Variants in DPRX observed in about 807,000 individuals in gnomAD.
The protein encoded by DPRX is divergent-paired related homeobox, also known as divergent paired-related homeobox.
DPRX carries 11 observed loss-of-function variants against 8.4 expected under a neutral mutation model. That is an observed-to-expected ratio of 1.31 (90% CI 0.82 to 2.17). The LOEUF (loss-of-function observed/expected upper bound fraction) is 2.17, where lower values mean the gene tolerates loss of function less well. DPRX is among the 30% of genes most tolerant of loss of function. DPRX has a pLI of 0.00. For synonymous variants in DPRX, 72 were observed against 87.0 expected, an observed-to-expected ratio of 0.83 and a Z score of 0.96; for missense variants, 211 against 236.7, an observed-to-expected ratio of 0.89 and a Z score of 0.71.
At chr19:53,636,666 C>G in exon 3 of DPRX, 1 of 1,614,020 alleles carries the variant, frequency 6.2e-7, no homozygotes, top group African/African-American at 1.3e-5. Context: ...AAACAAGAAA[C>G]TCCACAACCG....
the DPRX span, among the ~76,000 whole-genome samples, chr19:53,603,948 G>A: frequency 6.6e-6 from 1 of 151,858 alleles, no homozygotes; most frequent in Non-Finnish European, 1.5e-5. Context: ...GTTTCACCAT[G>A]TTGGCCAGGC....
intron 1 of DPRX, among the ~76,000 whole-genome samples, chr19:53,634,021 G>A: frequency 6.6e-6 from 1 of 152,304 alleles, no homozygotes; most frequent in Non-Finnish European, 1.5e-5. Context: ...TGACAAATGA[G>A]GCTTGGAAAA....
At chr19:53,607,920 C>G in the DPRX span, among the ~76,000 whole-genome samples, 1 of 150,168 alleles carries the variant, frequency 6.7e-6, no homozygotes, top group African/African-American at 2.4e-5. Context: ...CACCTGAAAT[C>G]CTAGCACTTT....
exon 2 of DPRX, chr19:53,634,600 T>A (rs904763269): frequency 1.2e-6 from 2 of 1,613,884 alleles, no homozygotes; most frequent in East Asian, 2.2e-5. Flanking sequence ...GATCTGAACA[T>A]CTTGTTCAAT....
At chr19:53,627,439 C>CTTTTTT (rs1030412694), upstream of DPRX, among the ~76,000 whole-genome samples, 2 of 66,270 alleles carry the variant, frequency 3.0e-5, no homozygotes, top group African/African-American at 4.6e-5. Flanking sequence ...TTCTTTCTTT[C>CTTTTTT]TTTTTTTTTT....
At chr19:53,618,370 A>G in the DPRX span, among the ~76,000 whole-genome samples, 8 of 152,016 alleles carry the variant, frequency 5.3e-5, no homozygotes, top group African/African-American at 1.9e-4. Flanking sequence ...AGAGTGTGTG[A>G]TGGTAGATTA....
At chr19:53,627,909 G>A (rs2091077495), upstream of DPRX, among the ~76,000 whole-genome samples, 1 of 151,878 alleles carries the variant, frequency 6.6e-6, no homozygotes, top group South Asian at 2.1e-4. Context: ...GCGCTTGCCT[G>A]TAATCCCAGT....
At chr19:53,615,061 T>A in the DPRX span, among the ~76,000 whole-genome samples, 1 of 151,350 alleles carries the variant, frequency 6.6e-6, no homozygotes, top group African/African-American at 2.4e-5. Flanking sequence ...TCTATCTAAT[T>A]TTTTTTTTAG....
intron 1 of DPRX, 41 bp downstream of exon 1, chr19:53,632,175 A>C: frequency 6.2e-7 from 1 of 1,613,858 alleles, no homozygotes; most frequent in Non-Finnish European, 8.5e-7. Context: ...AGACACGTGA[A>C]GAAGTGGAAA....
the DPRX span, among the ~76,000 whole-genome samples, chr19:53,603,023 ATG>A: frequency 6.2e-5 from 7 of 112,652 alleles, no homozygotes; most frequent in African/African-American, 1.2e-4. Context: ...GTGTGTATAT[ATG>A]TGTGTGTGTG....
At chr19:53,601,151 G>A in the DPRX span, 3 of 415,058 alleles carry the variant, frequency 7.2e-6, no homozygotes, top group African/African-American at 6.1e-5. Context: ...TGAGTAGCTG[G>A]GACTACAGGC....
chr19:53,605,763 C>G, the DPRX span, among the ~76,000 whole-genome samples: 3 of 152,128 alleles, frequency 2.0e-5, no homozygotes, highest in South Asian at 6.2e-4. Context: ...CTCCTGGGCT[C>G]AAGCAATCCT....
At chr19:53,612,513 C>A in the DPRX span, among the ~76,000 whole-genome samples, 1 of 152,110 alleles carries the variant, frequency 6.6e-6, no homozygotes, top group Non-Finnish European at 1.5e-5. Flanking sequence ...TCGAGACCAG[C>A]CTGGCCAACA....
At chr19:53,630,456 G>C (rs1025229200), upstream of DPRX, among the ~76,000 whole-genome samples, 1 of 151,932 alleles carries the variant, frequency 6.6e-6, no homozygotes, top group Non-Finnish European at 1.5e-5. Flanking sequence ...GGAGGCTTAG[G>C]TGAGAGGCTC....
chr19:53,621,950 ATC>A, the DPRX span, among the ~76,000 whole-genome samples: 4 of 152,238 alleles, frequency 2.6e-5, no homozygotes, highest in South Asian at 2.1e-4. Context: ...ACTGATACTC[ATC>A]TGTTTCCCCC....
intron 2 of DPRX, among the ~76,000 whole-genome samples, chr19:53,636,198 T>C (rs925162380): frequency 3.3e-5 from 5 of 152,000 alleles, no homozygotes; most frequent in African/African-American, 1.2e-4. Context: ...AAACCCTGTC[T>C]GTACTAAAAA....
At chr19:53,627,593 T>C (rs1326937662), upstream of DPRX, among the ~76,000 whole-genome samples, 2 of 150,608 alleles carry the variant, frequency 1.3e-5, no homozygotes, top group Non-Finnish European at 3.0e-5. Flanking sequence ...CCTACCACCA[T>C]GCCCAGCTAA....
chr19:53,629,119 G>A (rs1568582906), upstream of DPRX, among the ~76,000 whole-genome samples: 1 of 150,344 alleles, frequency 6.7e-6, no homozygotes, highest in Non-Finnish European at 1.5e-5. Context: ...TTTGAGACCA[G>A]CCTGGCCAAC....
the DPRX span, among the ~76,000 whole-genome samples, chr19:53,615,469 C>T: frequency 5.3e-5 from 8 of 151,730 alleles, 1 homozygote; most frequent in Admixed American, 4.6e-4. Context: ...TTAGCAGAGA[C>T]GGGGTTTTGC....
Sources: allele counts gnomAD v4.1 joint callset (sites outside exome capture counted in the v4.1 genomes callset), GRCh38; gene constraint gnomAD v4.1.1; transcripts MANE v1.5; gene names NCBI Gene and HGNC (gene_info 2026-07-23, HGNC 2026-07-21).